The following PCP4L1 variants were observed in gnomAD, a reference collection of about 807,000 sequenced individuals.
PCP4L1 encodes the protein Purkinje cell protein 4-like protein 1.
PCP4L1 carries 9 observed loss-of-function variants against 9.6 expected under a neutral mutation model. That is an observed-to-expected ratio of 0.94 (90% CI 0.57 to 1.64). The LOEUF (loss-of-function observed/expected upper bound fraction) is 1.64, where lower values mean the gene tolerates loss of function less well. PCP4L1 is among the 40% of genes most tolerant of loss of function. The pLI, the probability that PCP4L1 is intolerant of heterozygous loss-of-function variation, is 0.00. For missense variants in PCP4L1, 81 were observed against 80.8 expected (o/e 1.00, Z -0.01); for synonymous variants, 31 against 28.2 (o/e 1.10, Z -0.31).
intron 1 of PCP4L1, among the ~76,000 whole-genome samples, chr1:161,272,186 C>CCT (rs538095242): frequency 2.8e-5 from 4 of 145,394 alleles, no homozygotes; most frequent in African/African-American, 7.6e-5. Context: ...GGGGTAATCC[C>CCT]TTTTTTTTTT....
At chr1:161,264,833 A>C (rs11265577) in intron 1 of PCP4L1, among the ~76,000 whole-genome samples, 37,832 of 152,168 alleles carry the variant, frequency 0.25, 5,018 homozygotes, top group Middle Eastern at 0.35. Context: ...TGTCTCTCAC[A>C]AACACGAAAA....
At chr1:161,264,436 G>A (rs1028361601) in intron 1 of PCP4L1, among the ~76,000 whole-genome samples, 11 of 152,222 alleles carry the variant, frequency 7.2e-5, no homozygotes, top group Non-Finnish European at 1.3e-4. Flanking sequence ...AGAATTGCTT[G>A]AACCTGGGAG....
chr1:161,277,172 A>G (rs1669714396), intron 1 of PCP4L1, among the ~76,000 whole-genome samples: 1 of 152,254 alleles, frequency 6.6e-6, no homozygotes, highest in Non-Finnish European at 1.5e-5. Flanking sequence ...TGGTGTCTCT[A>G]AACACTATCA....
chr1:161,279,739 T>G (rs901163191), intron 1 of PCP4L1, among the ~76,000 whole-genome samples: 14 of 152,358 alleles, frequency 9.2e-5, no homozygotes, highest in African/African-American at 2.2e-4. Flanking sequence ...AAGTACCAAG[T>G]GCAGGAATGA....
At chr1:161,283,253 C>T (rs192957515) in intron 1 of PCP4L1, among the ~76,000 whole-genome samples, 1 of 152,314 alleles carries the variant, frequency 6.6e-6, no homozygotes, top group Admixed American at 6.5e-5. Context: ...GCTATTTGGT[C>T]AAATGCTGCT....
At chr1:161,277,118 T>A (rs1253847341) in intron 1 of PCP4L1, among the ~76,000 whole-genome samples, 1 of 152,132 alleles carries the variant, frequency 6.6e-6, no homozygotes, top group Non-Finnish European at 1.5e-5. Context: ...TAATAAATGA[T>A]TTCAGCAAAG....
intron 1 of PCP4L1, among the ~76,000 whole-genome samples, chr1:161,281,768 GCGC>G (rs1180244332): frequency 2.2e-4 from 6 of 26,850 alleles, no homozygotes; most frequent in African/African-American, 1.7e-3. Context: ...CCGGGCAGAG[GCGC>G]TCCTCACATC....
chr1:161,273,152 A>T (rs1166826820), intron 1 of PCP4L1, among the ~76,000 whole-genome samples: 1 of 152,210 alleles, frequency 6.6e-6, no homozygotes, highest in East Asian at 1.9e-4. Flanking sequence ...CACCAAGATG[A>T]TGGAATGGAA....
At chr1:161,282,835 A>G (rs1669846421) in intron 1 of PCP4L1, among the ~76,000 whole-genome samples, 1 of 152,098 alleles carries the variant, frequency 6.6e-6, no homozygotes, top group East Asian at 1.9e-4. Flanking sequence ...AACAAATCAT[A>G]TTGGTCATAG....
intron 1 of PCP4L1, among the ~76,000 whole-genome samples, chr1:161,271,532 C>A (rs929946787): frequency 1.3e-5 from 2 of 152,166 alleles, no homozygotes; most frequent in African/African-American, 4.8e-5. Flanking sequence ...AAGACAGAGT[C>A]TTGCTCTGTC....
intron 1 of PCP4L1, among the ~76,000 whole-genome samples, chr1:161,281,959 G>A (rs1375601496): frequency 6.6e-6 from 1 of 152,164 alleles, no homozygotes; most frequent in Non-Finnish European, 1.5e-5. Flanking sequence ...GCCAGGCAGA[G>A]ACGCTCCTCA....
intron 1 of PCP4L1, among the ~76,000 whole-genome samples, chr1:161,264,277 G>A (rs150389835): frequency 0.04 from 6,080 of 151,726 alleles, 414 homozygotes; most frequent in African/African-American, 0.14. Context: ...CCCAGCATTT[G>A]GGAGGCCAAG....
At chr1:161,263,308 G>A (rs1669451914) in intron 1 of PCP4L1, among the ~76,000 whole-genome samples, 1 of 152,248 alleles carries the variant, frequency 6.6e-6, no homozygotes, top group Admixed American at 6.5e-5. Context: ...GTGAATCTCG[G>A]CTCGCTGCAA....
At chr1:161,283,960 G>A (rs940531943) in intron 2 of PCP4L1, among the ~76,000 whole-genome samples, 1 of 152,150 alleles carries the variant, frequency 6.6e-6, no homozygotes, top group Admixed American at 6.5e-5. Context: ...TGGAGTGTTG[G>A]GGGGAGAGAG....
intron 1 of PCP4L1, among the ~76,000 whole-genome samples, chr1:161,263,218 G>C (rs898787841): frequency 3.3e-5 from 5 of 149,390 alleles, no homozygotes; most frequent in African/African-American, 4.8e-5. Flanking sequence ...GTAAATACAG[G>C]GTTTTTGTTT....
At chr1:161,268,294 G>A (rs77144179) in intron 1 of PCP4L1, among the ~76,000 whole-genome samples, 9,172 of 152,044 alleles carry the variant, frequency 0.06, 346 homozygotes, top group Middle Eastern at 0.082. Flanking sequence ...AAACTCCTAC[G>A]GTAGCAGAAT....
intron 1 of PCP4L1, among the ~76,000 whole-genome samples, chr1:161,281,959 G>T (rs1375601496): frequency 6.6e-6 from 1 of 152,164 alleles, no homozygotes; most frequent in African/African-American, 2.4e-5. Flanking sequence ...GCCAGGCAGA[G>T]ACGCTCCTCA....
chr1:161,263,016 G>T (rs1669446133), intron 1 of PCP4L1, among the ~76,000 whole-genome samples: 1 of 152,074 alleles, frequency 6.6e-6, no homozygotes, highest in Non-Finnish European at 1.5e-5. Context: ...AAACATTTTA[G>T]TGATGCGATT....
chr1:161,276,112 T>C (rs547711778), intron 1 of PCP4L1, among the ~76,000 whole-genome samples: 2 of 152,270 alleles, frequency 1.3e-5, no homozygotes, highest in Admixed American at 6.5e-5. Flanking sequence ...ATTTTTACAG[T>C]GTGGACAAAC....
Sources: allele counts gnomAD v4.1 joint callset (sites outside exome capture counted in the v4.1 genomes callset), GRCh38; gene constraint gnomAD v4.1.1; transcripts MANE v1.5; gene names NCBI Gene and HGNC (gene_info 2026-07-23, HGNC 2026-07-21).